The following MYT1L variants were observed in gnomAD, a reference collection of about 807,000 sequenced individuals.
MYT1L encodes myelin transcription factor 1-like protein.
MYT1L carries 12 observed loss-of-function variants against 126.7 expected under a neutral mutation model. That is an observed-to-expected ratio of 0.09 (90% CI 0.06 to 0.15). The LOEUF is 0.15. Ranked by LOEUF, MYT1L falls within the 10% of genes least tolerant of loss-of-function variation. The pLI, the probability that MYT1L is intolerant of heterozygous loss-of-function variation, is 1.00. For missense variants in MYT1L, 979 were observed against 1,585.2 expected (o/e 0.62, Z 6.49); for synonymous variants, 541 against 604.2 (o/e 0.90, Z 1.53).
At chr2:2,033,504 G>A (rs1292084582) in intron 4 of MYT1L, among the ~76,000 whole-genome samples, 4 of 152,230 alleles carry the variant, frequency 2.6e-5, no homozygotes, top group Non-Finnish European at 4.4e-5. Context: ...GATGGGACCT[G>A]GGGGCACGCC....
chr2:1,792,695 C>A (rs1450653469), intron 23 of MYT1L, among the ~76,000 whole-genome samples: 3 of 152,038 alleles, frequency 2.0e-5, no homozygotes, highest in South Asian at 4.2e-4. Context: ...CGTGGTTAAA[C>A]CCTGTCTCTA....
At position 1,840,896 on chromosome 2, in the gene MYT1L, C is replaced by CTTTTTTTTTTTT. The variant is rs1316416056; in HGVS notation, c.2775-54_2775-53insAAAAAAAAAAAA. The CTTTTTTTTTTTT allele has an allele frequency of 8.3e-6, 8 of 962,482 alleles. No individual in the cohort carries two copies. In the African/African-American group the frequency reaches 1.4e-4, roughly 17 times the overall value. The allele number at this position is 962,482 out of a possible 1,614,324, so 59.6% of individuals were successfully genotyped here. A position where few individuals can be genotyped will look rare whatever the true frequency, so the allele number is the denominator to read the frequency against. On this transcript the variant is annotated intron_variant, in intron 19 of 24. Coordinates refer to ENST00000647738, the MANE Select transcript of MYT1L (RefSeq NM_001303052.2). ...ACCCCACACCGTTGATTTCAGTGAG[C>CTTTTTTTTTTTT]TTTCTTTCTTTTTTTTTTTTTTTTT...
chr2:2,016,720 A>G (rs1287402650), intron 4 of MYT1L, among the ~76,000 whole-genome samples: 1 of 152,272 alleles, frequency 6.6e-6, no homozygotes, highest in Non-Finnish European at 1.5e-5. Flanking sequence ...GGATAAGAAA[A>G]GCAAAACATA....
chr2:1,821,892 C>T (rs1301063733), intron 21 of MYT1L, among the ~76,000 whole-genome samples: 1 of 152,210 alleles, frequency 6.6e-6, no homozygotes, highest in Non-Finnish European at 1.5e-5. Flanking sequence ...CTCTTCCTAG[C>T]ACTAGCTCCA....
chr2:1,899,317 A>C (rs559865520), intron 14 of MYT1L, among the ~76,000 whole-genome samples: 1 of 152,388 alleles, frequency 6.6e-6, no homozygotes, highest in East Asian at 1.9e-4. Flanking sequence ...TATGCATGGC[A>C]TGGAAACAGA....
chr2:2,084,286 AAAG>A (rs2076142977), intron 3 of MYT1L, among the ~76,000 whole-genome samples: 1 of 152,222 alleles, frequency 6.6e-6, no homozygotes, highest in South Asian at 2.1e-4. Context: ...TTCTTGTCCT[AAAG>A]AAGGGAGCAG....
Position 1,922,684 on chromosome 2 carries a change from C to A in MYT1L, c.1085G>T (p.Arg362Leu), listed in dbSNP as rs1447055355. 1.2e-6 allele frequency: 2 copies of A among 1,613,758 alleles called. No individual in the cohort carries two copies. The highest frequency in any genetic ancestry group is 1.7e-6 in the Non-Finnish European group (2 of 1,179,822). Residue 362 changes from arginine (R) to leucine (L), a missense_variant, in exon 10 of 25, where the codon CGG becomes CTG. This residue lies in a region of MYT1L where 243 missense variants were observed against 363.9 expected (regional missense o/e 0.67). Coordinates refer to ENST00000647738, the MANE Select transcript of MYT1L (RefSeq NM_001303052.2). The surrounding 1 kb of genome is among the most constrained non-coding windows in gnomAD (Gnocchi z 7.4). ...QQNMNIRQHV[R>L]PEEDFPGRTP... Reference sequence around the variant, plus strand: ...CCTTCCGGGGAAGTCCTCTTCTGGCCGGACATGCTGACGGATGTTCATGTT... The same window carrying A: ...CCTTCCGGGGAAGTCCTCTTCTGGCAGGACATGCTGACGGATGTTCATGTT...
Position 1,937,409 on chromosome 2 carries a change from C to T in MYT1L, c.505+5573G>A, listed in dbSNP as rs1206942338. Among the ~76,000 whole-genome samples the T allele has an allele frequency of 2.6e-5, 4 of 151,848 alleles. No homozygotes were observed. The East Asian group carries it at 7.7e-4, about 29-fold the overall frequency. On this transcript the variant is annotated intron_variant, in intron 9 of 24. Coordinates refer to ENST00000647738, the MANE Select transcript of MYT1L (RefSeq NM_001303052.2). ...CCATCAGATCGCACAGCGAGAAAGC[C>T]CTAACGTCTGCGGCCATCAGATCGT...
intron 2 of MYT1L, among the ~76,000 whole-genome samples, chr2:2,216,142 T>A (rs2093670941): frequency 6.6e-6 from 1 of 152,138 alleles, no homozygotes; most frequent in South Asian, 2.1e-4. Context: ...ATGATTCCTG[T>A]ACAGCCTGCA....
chr2:1,989,793 T>TG (rs2061333842), intron 5 of MYT1L, among the ~76,000 whole-genome samples: 1 of 152,108 alleles, frequency 6.6e-6, no homozygotes. Context: ...GGTCAGGAGT[T>TG]CGAGACCAGC....
At chr2:2,313,130 A>G (rs114346332) in intron 1 of MYT1L, among the ~76,000 whole-genome samples, 2,000 of 152,264 alleles carry the variant, frequency 0.013, 49 homozygotes, top group African/African-American at 0.045. Context: ...TGTATTCACT[A>G]CCTTCAATAC....
intron 2 of MYT1L, among the ~76,000 whole-genome samples, chr2:2,205,979 CT>C (rs1453920835): frequency 2.1e-4 from 30 of 145,552 alleles, no homozygotes; most frequent in African/African-American, 7.3e-4. Context: ...CTTTTCTTTT[CT>C]TTTCTTTCTT....
At chr2:2,102,820 C>T (rs961135150) in intron 3 of MYT1L, among the ~76,000 whole-genome samples, 8 of 152,050 alleles carry the variant, frequency 5.3e-5, no homozygotes, top group African/African-American at 1.9e-4. Context: ...CTTCAGCCCA[C>T]ACCTATTAGA....
intron 2 of MYT1L, among the ~76,000 whole-genome samples, chr2:2,186,039 C>T (rs373262295): frequency 1.1e-5 from 1 of 93,268 alleles, no homozygotes; most frequent in Admixed American, 1.1e-4. Flanking sequence ...TTCCGTGAGG[C>T]GGACGCAGCC....
intron 1 of MYT1L, among the ~76,000 whole-genome samples, chr2:2,288,837 T>C (rs1430212675): frequency 6.6e-6 from 1 of 152,236 alleles, no homozygotes; most frequent in Non-Finnish European, 1.5e-5. Context: ...ACCTCTTTGC[T>C]AGAGAACAAT....
At chr2:2,110,957 C>T (rs1042348567) in intron 3 of MYT1L, among the ~76,000 whole-genome samples, 9 of 152,310 alleles carry the variant, frequency 5.9e-5, no homozygotes, top group African/African-American at 1.9e-4. Context: ...CTGTGGAGCA[C>T]GCAGGGTGGC....
At chr2:2,019,400 T>C (rs2064796714) in intron 4 of MYT1L, among the ~76,000 whole-genome samples, 1 of 152,230 alleles carries the variant, frequency 6.6e-6, no homozygotes, top group South Asian at 2.1e-4. Flanking sequence ...ATTAAACCTC[T>C]TTCCCTCATA....
At chr2:1,935,463 T>C (rs2055750674) in intron 9 of MYT1L, among the ~76,000 whole-genome samples, 1 of 152,206 alleles carries the variant, frequency 6.6e-6, no homozygotes, top group Non-Finnish European at 1.5e-5. Context: ...CAGAAGAGCA[T>C]GAATAAATGG....
Position 2,231,406 on chromosome 2 carries a change from C to A in MYT1L, c.-421+52998G>T, listed in dbSNP as rs116840097. On this transcript the variant is annotated intron_variant, in intron 2 of 24. Transcript: ENST00000647738. ...GCGTTACTGCCTAAGATTTTCAAGG[C>A]TCGTTAGGCAAAAATGGTTTTGTTT... Among the ~76,000 whole-genome samples the A allele has an allele frequency of 5.4e-3, 820 of 152,170 alleles. 9 individuals are homozygous for A. The highest frequency in any genetic ancestry group is 0.019 in the African/African-American group (787 of 41,532).
Sources: gnomAD v4.1 joint callset for allele counts (sites outside exome capture counted in the v4.1 genomes callset) on GRCh38, gnomAD v4.1.1 for gene constraint, gnomAD v4.1.1 regional missense constraint, Gnocchi (gnomAD v3.1) non-coding constraint, MANE v1.5 for transcripts, NCBI Gene and HGNC (gene_info 2026-07-23, HGNC 2026-07-21) for gene names.